The following GSN variants were observed in gnomAD, a reference collection of about 807,000 sequenced individuals.
GSN encodes gelsolin.
GSN carries 56 observed loss-of-function variants against 85.7 expected under a neutral mutation model. The observed-to-expected ratio is 0.65, with a 90% CI of 0.53 to 0.82. GSN has a LOEUF of 0.82. Among genes scored for constraint, GSN ranks in the 40% least tolerant of loss-of-function variants. The pLI, the probability that GSN is intolerant of heterozygous loss-of-function variation, is 0.00. For synonymous variants in GSN, 373 were observed against 399.1 expected (o/e 0.93, Z 0.78); for missense variants, 857 against 979.8 (o/e 0.87, Z 1.67).
upstream of GSN, among the ~76,000 whole-genome samples, chr9:121,203,854 A>C (rs1467441150): frequency 6.6e-6 from 1 of 152,270 alleles, no homozygotes; most frequent in Non-Finnish European, 1.5e-5. Flanking sequence ...GGAAATGATT[A>C]TTACATGATA....
chr9:121,270,822 T>C (rs990712123), intron 1 of GSN, among the ~76,000 whole-genome samples: 3 of 152,128 alleles, frequency 2.0e-5, no homozygotes, highest in African/African-American at 7.2e-5. Context: ...GATTTCTGCT[T>C]GGTCTATGGT....
intron 5 of GSN, among the ~76,000 whole-genome samples, chr9:121,247,290 T>C (rs2054718991): frequency 6.6e-6 from 1 of 152,130 alleles, no homozygotes; most frequent in Admixed American, 6.5e-5. Flanking sequence ...ATATCAGTGC[T>C]CAAGGGCCCA....
rs1012720798 is a variant in GSN, at chr9:121,261,765, C to G, written c.-340-3389C>G. Among the ~76,000 whole-genome samples, 1 of 152,212 alleles carries G rather than the reference C, an allele frequency of 6.6e-6. No individual in the cohort carries two copies. The highest frequency in any genetic ancestry group is 1.5e-5 in the Non-Finnish European group (1 of 68,038). ...CCTCCACGCCCGTACCTAGGGGGTT[C>G]CCATGATGACACCAGCCACTGTTGA... On this transcript the variant is annotated intron_variant, in intron 6 of 24. Coordinates refer to the GSN transcript ENST00000373823. This position sits in a 1 kb window ranked among gnomAD's most constrained non-coding sequence, Gnocchi z 4.1.
rs116720480 is a variant in GSN at position 121,262,163 on chromosome 9, C to T, written c.-340-2991C>T. On this transcript the variant is annotated intron_variant, in intron 6 of 24. Coordinates refer to the GSN transcript ENST00000373823. ...GCCTAACATCAGATCCTAACGTTGT[C>T]GAGATGAAATTAAATAATTCTTGAT... Among the ~76,000 whole-genome samples, 933 of 152,200 alleles carry T rather than the reference C, an allele frequency of 6.1e-3. 13 individuals are homozygous for T. The highest frequency in any genetic ancestry group is 0.021 in the African/African-American group (865 of 41,518).
intron 2 of GSN, 154 bp downstream of exon 2, chr9:121,281,716 C>T (rs747388120): frequency 8.7e-5 from 41 of 471,082 alleles, no homozygotes; most frequent in Non-Finnish European, 1.5e-4. Flanking sequence ...GCTCAGAGTG[C>T]GTCTCTGCTC....
At position 121,332,544 on chromosome 9, in the gene GSN, G is replaced by C. The variant is rs761467289; in HGVS notation, c.2137G>C (p.Asp713His). 1.2e-6 allele frequency: 2 copies of C among 1,614,184 alleles called. No individual in the cohort carries two copies. Among genetic ancestry groups the C allele is most frequent in the East Asian group, 4.5e-5 (2 of 44,884 alleles). ...CTTTGTGGGCTGGTTCCTTGGCTGGGATGATGATTACTGGTCTGTGGACCC... is the reference window on the plus strand; with the variant it reads ...CTTTGTGGGCTGGTTCCTTGGCTGGCATGATGATTACTGGTCTGTGGACCC... ...PSFVGWFLGW[D>H]DDYWSVDPLD... The change falls in exon 18 of 18, where the codon GAT (aspartate) becomes CAT (histidine). Residue 713 changes from aspartate to histidine, a missense_variant. Transcript: ENST00000432226. This position sits in a 1 kb window ranked among gnomAD's most constrained non-coding sequence, Gnocchi z 4.8.
chr9:121,227,219 C>A (rs763602360), intron 4 of GSN, among the ~76,000 whole-genome samples: 45 of 152,166 alleles, frequency 3.0e-4, no homozygotes, highest in Non-Finnish European at 6.3e-4. Context: ...CATGGTGAAA[C>A]CCCGACTCTA....
chr9:121,314,102 G>A (rs1274412551), intron 7 of GSN, 79 bp downstream of exon 7: 21 of 1,116,034 alleles, frequency 1.9e-5, no homozygotes, highest in South Asian at 1.9e-4. Flanking sequence ...CCACTCCACT[G>A]CTATGGGACC....
At chr9:121,328,762 A>T in intron 14 of GSN, 129 bp from the exon 15 acceptor site, 1 of 1,005,766 alleles carries the variant, frequency 9.9e-7, no homozygotes, top group South Asian at 1.3e-5. Context: ...ATCTCCTGGG[A>T]TTTTTAGGAT....
Position 121,321,371 on chromosome 9 carries a change from G to A in GSN, c.1295G>A (p.Gly432Asp), listed in dbSNP as rs148309276. The A allele has an allele frequency of 3.7e-6, 6 of 1,614,018 alleles. No individual in the cohort carries two copies. In the African/African-American group the frequency reaches 6.7e-5, roughly 18 times the overall value. Residue 432 changes from glycine to aspartate, a missense_variant, in exon 11 of 18, where the codon GGT becomes GAT. Coordinates refer to ENST00000432226, the MANE Select transcript of GSN (RefSeq NM_198252.3). ...SYIILYNYRH[G>D]GRQGQIIYNW... ...ATCATTCTGTACAACTACCGCCATG[G>A]TGGCCGCCAGGGGCAGATAATCTAT...
intron 7 of GSN, among the ~76,000 whole-genome samples, chr9:121,316,094 T>G (rs76201286): frequency 0.026 from 3,889 of 152,322 alleles, 176 homozygotes; most frequent in African/African-American, 0.089. Flanking sequence ...CCCAAATTAC[T>G]GTCATCAGGG....
upstream of GSN, among the ~76,000 whole-genome samples, chr9:121,205,149 C>T (rs1315787225): frequency 6.6e-6 from 1 of 152,226 alleles, no homozygotes; most frequent in African/African-American, 2.4e-5. Flanking sequence ...CAACTTCTAC[C>T]TCCACTCCAC....
upstream of GSN, among the ~76,000 whole-genome samples, chr9:121,204,743 G>A (rs2053855375): frequency 6.6e-6 from 1 of 152,168 alleles, no homozygotes; most frequent in South Asian, 2.1e-4. Flanking sequence ...CTAGAAAGCT[G>A]TAATAGTAAA....
intron 4 of GSN, among the ~76,000 whole-genome samples, chr9:121,216,873 G>A (rs2054073501): frequency 6.6e-6 from 1 of 152,198 alleles, no homozygotes; most frequent in African/African-American, 2.4e-5. Flanking sequence ...AGATGTCCAA[G>A]CGTTGCATTC....
intron 1 of GSN, 140 bp from the exon 2 acceptor site, chr9:121,281,330 C>T (rs911846039): frequency 3.0e-5 from 9 of 301,534 alleles, no homozygotes; most frequent in Admixed American, 1.4e-4. Context: ...GTAGTGAGTG[C>T]GGTGTTGCTG....
intron 6 of GSN, among the ~76,000 whole-genome samples, chr9:121,251,085 C>G (rs1006338946): frequency 8.6e-5 from 13 of 151,672 alleles, no homozygotes; most frequent in Admixed American, 8.5e-4. Context: ...CGCGGCATCC[C>G]AGCATACTGA....
At chr9:121,307,949 C>G (rs2060602319) in intron 4 of GSN, among the ~76,000 whole-genome samples, 1 of 152,262 alleles carries the variant, frequency 6.6e-6, no homozygotes, top group African/African-American at 2.4e-5. Flanking sequence ...GGCCATCCAG[C>G]CTTCGGACCC....
intron 1 of GSN, among the ~76,000 whole-genome samples, chr9:121,273,378 G>A (rs1277671255): frequency 1.3e-5 from 2 of 152,102 alleles, no homozygotes; most frequent in African/African-American, 4.8e-5. Context: ...GTTTTGGTGG[G>A]TACTAAGTAA....
rs41305623 is a variant in GSN, at chr9:121,310,714, G to C, written c.382G>C (p.Val128Leu). The change falls in exon 5 of 18, where the codon GTG (valine) becomes CTG (leucine). Residue 128 changes from valine (V) to leucine (L), a missense_variant. Coordinates refer to ENST00000432226, the MANE Select transcript of GSN (RefSeq NM_198252.3). ...KGGVASGFKH[V>L]VPNEVVVQRL... is the part of the protein sequence containing the mutation. ...AGGTGTGGCATCAGGATTCAAGCACGTGGTACCCAACGAGGTGGTGGTGCA... is the reference window on the plus strand; with the variant it reads ...AGGTGTGGCATCAGGATTCAAGCACCTGGTACCCAACGAGGTGGTGGTGCA... 6 of 1,614,170 alleles carry C rather than the reference G, an allele frequency of 3.7e-6. No individual in the cohort carries two copies. Among genetic ancestry groups the C allele is most frequent in the Non-Finnish European group, 5.1e-6 (6 of 1,180,030 alleles).
Sources: gnomAD v4.1 joint callset for allele counts (sites outside exome capture counted in the v4.1 genomes callset) on GRCh38, gnomAD v4.1.1 for gene constraint, Gnocchi (gnomAD v3.1) non-coding constraint, MANE v1.5 for transcripts, NCBI Gene and HGNC (gene_info 2026-07-23, HGNC 2026-07-21) for gene names.